POTEF: variants seen among roughly 807,000 people sequenced by gnomAD.
POTEF encodes the protein ANKRD26-like family C member 1B.
POTEF carries 20 observed loss-of-function variants against 83.2 expected under a neutral mutation model. The observed-to-expected ratio is 0.24, with a 90% CI of 0.17 to 0.35. The LOEUF is 0.35. Among genes scored for constraint, POTEF ranks in the 10% least tolerant of loss-of-function variants. The pLI, the probability that POTEF is intolerant of heterozygous loss-of-function variation, is 1.00. For synonymous variants in POTEF, 196 were observed against 446.4 expected (o/e 0.44, Z 7.07); for missense variants, 550 against 1,203.2 (o/e 0.46, Z 8.03).
At chr2:130,104,833 T>C (rs547673240) in intron 8 of POTEF, among the ~76,000 whole-genome samples, 3,050 of 151,406 alleles carry the variant, frequency 0.02, 123 homozygotes, top group African/African-American at 0.062. Context: ...TCATCAACTT[T>C]CAGATTCTTG....
intron 2 of POTEF, among the ~76,000 whole-genome samples, chr2:130,126,523 C>T (rs1685097322): frequency 6.6e-6 from 1 of 152,034 alleles, no homozygotes; most frequent in African/African-American, 2.4e-5. Context: ...ACGCATTAGC[C>T]CATTTATGCC....
At chr2:130,106,216 G>A (rs997478072) in intron 8 of POTEF, among the ~76,000 whole-genome samples, 2 of 150,500 alleles carry the variant, frequency 1.3e-5, no homozygotes, top group Non-Finnish European at 2.9e-5. Flanking sequence ...AACAACTCTG[G>A]TTCCTACTGT....
At chr2:130,108,413 T>C (rs1189800190) in intron 7 of POTEF, among the ~76,000 whole-genome samples, 66 of 151,322 alleles carry the variant, frequency 4.4e-4, no homozygotes, top group African/African-American at 1.6e-3. Context: ...TTGCTTCTCT[T>C]AGGCTCAATG....
chr2:130,122,234 T>A (rs1453753442), intron 2 of POTEF, among the ~76,000 whole-genome samples: 1 of 150,562 alleles, frequency 6.6e-6, no homozygotes, highest in Non-Finnish European at 1.5e-5. Context: ...TCATGGACAT[T>A]TCTGTTGTTT....
chr2:130,109,041 C>A (rs1251591407), intron 7 of POTEF, among the ~76,000 whole-genome samples: 2 of 151,200 alleles, frequency 1.3e-5, no homozygotes, highest in Non-Finnish European at 2.9e-5. Flanking sequence ...TTGCACGGAA[C>A]ATGTTATTCA....
At chr2:130,116,409 G>C (rs1175284365) in intron 3 of POTEF, among the ~76,000 whole-genome samples, 7 of 147,644 alleles carry the variant, frequency 4.7e-5, no homozygotes, top group Admixed American at 2.7e-4. Context: ...AGGTAAACAC[G>C]TGCACCAAGG....
At chr2:130,107,108 A>G (rs1423060752) in intron 8 of POTEF, among the ~76,000 whole-genome samples, 1 of 141,866 alleles carries the variant, frequency 7.0e-6, no homozygotes, top group East Asian at 2.0e-4. Flanking sequence ...GCATACTAGC[A>G]TTTTTGTTAG....
At chr2:130,107,249 CAATT>C (rs1428771671) in intron 8 of POTEF, among the ~76,000 whole-genome samples, 10 of 149,794 alleles carry the variant, frequency 6.7e-5, no homozygotes, top group Non-Finnish European at 1.5e-4. Context: ...GTTATGATGA[CAATT>C]AACCAGCAGG....
intron 2 of POTEF, among the ~76,000 whole-genome samples, chr2:130,121,128 C>CG (rs1553473443): frequency 2.0e-5 from 3 of 150,192 alleles, no homozygotes; most frequent in African/African-American, 7.5e-5. Flanking sequence ...GCGCGGCGTG[C>CG]GCGTGCGCGT....
At chr2:130,113,128 T>C (rs528590437) in intron 5 of POTEF, among the ~76,000 whole-genome samples, 3,861 of 134,478 alleles carry the variant, frequency 0.029, 247 homozygotes, top group African/African-American at 0.1. Context: ...ACACCTGTAA[T>C]CCTAGCATTT....
chr2:130,117,652 T>A (rs1446470800), intron 3 of POTEF, among the ~76,000 whole-genome samples: 1 of 151,964 alleles, frequency 6.6e-6, no homozygotes, highest in African/African-American at 2.4e-5. Flanking sequence ...TACATATTAG[T>A]CCATCCTATG....
chr2:130,075,928 A>G (rs1054762505), intron 16 of POTEF, among the ~76,000 whole-genome samples: 37 of 150,376 alleles, frequency 2.5e-4, no homozygotes, highest in South Asian at 6.3e-4. Flanking sequence ...GGCATAAAAT[A>G]TAAGATTAAT....
At chr2:130,108,300 G>A (rs1347273371) in intron 7 of POTEF, among the ~76,000 whole-genome samples, 4 of 151,344 alleles carry the variant, frequency 2.6e-5, no homozygotes, top group African/African-American at 9.8e-5. Flanking sequence ...CGAGGGCACT[G>A]TGACCCAGTA....
chr2:130,114,454 C>A (rs1265920340), intron 5 of POTEF, among the ~76,000 whole-genome samples: 4 of 145,088 alleles, frequency 2.8e-5, no homozygotes, highest in African/African-American at 7.8e-5. Flanking sequence ...CGCATCACCT[C>A]GTATCTATTA....
At position 130,103,669 on chromosome 2, in the gene POTEF, G is replaced by A. The variant is rs139983561; in HGVS notation, c.1127-1489C>T. Among the ~76,000 whole-genome samples the A allele has an allele frequency of 1.2e-3, 182 of 150,928 alleles. 3 individuals carry two copies. Among genetic ancestry groups the A allele is most frequent in the African/African-American group, 4.4e-3 (177 of 40,484 alleles). On this transcript the variant is annotated intron_variant, in intron 8 of 16. Coordinates refer to ENST00000409914, the MANE Select transcript of POTEF (RefSeq NM_001099771.2). ...CTGCTAAATACATGTTAGGCATTAG[G>A]GTTTAAAAAGAATTAAAATAAAGCA...
At position 130,111,913 on chromosome 2, in the gene POTEF, C is replaced by T. The variant is rs559701366; in HGVS notation, c.917+82G>A. 1.4e-5 allele frequency: 16 copies of T among 1,181,898 alleles called. No individual in the cohort carries two copies. The African/African-American group carries it at 1.8e-4, about 13-fold the overall frequency. The allele number at this position is 1,181,898 out of a possible 1,614,324, so 73.2% of individuals were successfully genotyped here. ...TGATCACTACATCCCAGTAAGTATA[C>T]ATTAATCTTATTAATTTAATATTTA... On this transcript the variant is annotated intron_variant, in intron 6 of 16. Coordinates refer to ENST00000409914, the MANE Select transcript of POTEF (RefSeq NM_001099771.2).
chr2:130,108,369 C>T (rs1206219531), intron 7 of POTEF, among the ~76,000 whole-genome samples: 1 of 152,026 alleles, frequency 6.6e-6, no homozygotes, highest in Non-Finnish European at 1.5e-5. Context: ...TAAGTCCTAG[C>T]TCCATAATGA....
intron 14 of POTEF, 57 bp downstream of exon 14, chr2:130,086,286 T>TA (rs1204185914): frequency 2.3e-6 from 3 of 1,327,910 alleles, no homozygotes; most frequent in African/African-American, 3.5e-5. Flanking sequence ...TACACTTTGT[T>TA]AAACAACATA....
At position 130,074,932 on chromosome 2, in the gene POTEF, C is replaced by T. The variant is rs751286635; in HGVS notation, c.2540G>A (p.Arg847His). ...QAVLSLYTSG[R>H]TTGIVMDSGD... The stretch of plus-strand genomic sequence containing the variant: ...AGAGTCCATCACGATGCCAGTAGTA[C>T]GGCCAGAGGTGTACAGGGACAGCAC... The change falls in exon 17 of 17, where the codon CGT (arginine) becomes CAT (histidine). Residue 847 changes from arginine to histidine, a missense_variant. Physicochemically the swap from Arg to His is conservative, Grantham distance 29 (BLOSUM62 0). Transcript: ENST00000409914. 2.8e-5 allele frequency: 45 copies of T among 1,605,912 alleles called. No homozygotes were observed. Among genetic ancestry groups the T allele is most frequent in the South Asian group, 1.7e-4 (15 of 90,642 alleles).
Sources: allele counts gnomAD v4.1 joint callset (sites outside exome capture counted in the v4.1 genomes callset), GRCh38; gene constraint gnomAD v4.1.1; transcripts MANE v1.5; gene names NCBI Gene and HGNC (gene_info 2026-07-23, HGNC 2026-07-21).